Variants in USP34 observed in about 807,000 individuals in gnomAD.
USP34 encodes the protein ubiquitin specific peptidase 34.
A neutral mutation model predicts 460.3 loss-of-function variants in USP34; 70 were observed. The observed-to-expected ratio is 0.15, with a 90% CI of 0.13 to 0.19. USP34 has a LOEUF of 0.19. Ranked by LOEUF, USP34 falls within the 10% of genes least tolerant of loss-of-function variation. USP34 has a pLI of 1.00. For missense variants in USP34, 3,985 were observed against 4,236.2 expected (o/e 0.94, Z 1.65); for synonymous variants, 1,647 against 1,405.3 (o/e 1.17, Z -3.85).
At chr2:61,347,363 G>C (rs1232276306) in intron 15 of USP34, among the ~76,000 whole-genome samples, 1 of 151,930 alleles carries the variant, frequency 6.6e-6, no homozygotes, top group Non-Finnish European at 1.5e-5. Flanking sequence ...TTAACAACCT[G>C]GTTTTTTATT....
chr2:61,438,030 C>T (rs1219812696), intron 1 of USP34, among the ~76,000 whole-genome samples: 2 of 151,540 alleles, frequency 1.3e-5, no homozygotes, highest in African/African-American at 2.4e-5. Context: ...GATACCAAAA[C>T]CAGAAAAGGA....
chr2:61,347,811 G>A (rs887377651), intron 15 of USP34, 59 bp downstream of exon 15: 3 of 1,575,508 alleles, frequency 1.9e-6, no homozygotes, highest in African/African-American at 2.7e-5. Flanking sequence ...ATTGAATATA[G>A]GATATAATAC....
chr2:61,222,758 G>A (rs976588818), intron 64 of USP34, 95 bp from the exon 65 acceptor site: 42 of 1,148,198 alleles, frequency 3.7e-5, no homozygotes, highest in Middle Eastern at 5.7e-4. Context: ...ATGCAGTGGC[G>A]AGATCACAGC....
intron 33 of USP34, 21 bp downstream of exon 33, chr2:61,293,442 GA>G: frequency 6.3e-7 from 1 of 1,589,346 alleles, no homozygotes; most frequent in South Asian, 1.1e-5. Context: ...GTAACTAGTT[GA>G]AACCATAAAT....
At chr2:61,334,194 C>T (rs1182662847) in intron 18 of USP34, among the ~76,000 whole-genome samples, 1 of 152,038 alleles carries the variant, frequency 6.6e-6, no homozygotes, top group Admixed American at 6.6e-5. Context: ...AGGTAAAACA[C>T]ACTATAAATA....
intron 21 of USP34, among the ~76,000 whole-genome samples, chr2:61,324,532 G>T (rs1002897574): frequency 2.0e-5 from 3 of 152,136 alleles, no homozygotes; most frequent in Non-Finnish European, 2.9e-5. Flanking sequence ...TAGCACTTTG[G>T]GAGGCCAAGG....
chr2:61,350,213 G>A (rs776983078), intron 12 of USP34, 47 bp downstream of exon 12: 2 of 1,541,714 alleles, frequency 1.3e-6, no homozygotes, highest in South Asian at 1.2e-5. Context: ...TCAAATCTGA[G>A]TGAGAAGCTC....
chr2:61,264,712 A>C (rs1327660749), intron 43 of USP34, among the ~76,000 whole-genome samples: 1 of 152,162 alleles, frequency 6.6e-6, no homozygotes, highest in African/African-American at 2.4e-5. Flanking sequence ...AAAGCAGTAC[A>C]AAAGGCAAAC....
intron 1 of USP34, among the ~76,000 whole-genome samples, chr2:61,441,701 G>C (rs1573045373): frequency 6.6e-6 from 1 of 151,828 alleles, no homozygotes; most frequent in East Asian, 1.9e-4. Flanking sequence ...ATACTTGAGA[G>C]GGTGAGGTGG....
chr2:61,443,889 G>A (rs1010647680), intron 1 of USP34, among the ~76,000 whole-genome samples: 1 of 152,124 alleles, frequency 6.6e-6, no homozygotes, highest in African/African-American at 2.4e-5. Context: ...TGATAATGGA[G>A]GAGGCTTCGT....
intron 1 of USP34, among the ~76,000 whole-genome samples, chr2:61,441,818 AAAAAGAAAAG>A (rs1328486657): frequency 1.3e-5 from 2 of 151,284 alleles, no homozygotes; most frequent in African/African-American, 2.4e-5. Context: ...AAAAAAAAGA[AAAAAGAAAAG>A]AAAAGAAAAA....
rs1368024095 is a variant in USP34 at position 61,362,864 on chromosome 2, A to AT, written c.1251+7456dup. ...ACATCAAGTTGTACACCTTAAATAC[A>AT]TAATTTTTATATTTGTATAGTATTT... On this transcript the variant is annotated intron_variant, in intron 10 of 79. Transcript: ENST00000398571. 2.6e-5 allele frequency among the ~76,000 whole-genome samples: 4 copies of AT among 152,250 alleles called. No individual in the cohort carries two copies. The East Asian group carries it at 5.8e-4, about 22-fold the overall frequency.
At chr2:61,322,971 T>C (rs1690971603) in intron 21 of USP34, among the ~76,000 whole-genome samples, 1 of 152,244 alleles carries the variant, frequency 6.6e-6, no homozygotes, top group Non-Finnish European at 1.5e-5. Flanking sequence ...CTTTTGTTAT[T>C]TTTTAAAAGA....
chr2:61,382,595 G>C (rs1382390531), intron 6 of USP34, among the ~76,000 whole-genome samples: 3 of 152,068 alleles, frequency 2.0e-5, no homozygotes, highest in Non-Finnish European at 1.5e-5. Flanking sequence ...CTGTGAAAAA[G>C]GGAACACTCA....
At chr2:61,307,817 G>GA (rs1323272470) in intron 27 of USP34, among the ~76,000 whole-genome samples, 1 of 151,992 alleles carries the variant, frequency 6.6e-6, no homozygotes, top group African/African-American at 2.4e-5. Context: ...GACGGCCAAG[G>GA]GGGGAGGATA....
chr2:61,362,791 T>C (rs1015001171), intron 10 of USP34, among the ~76,000 whole-genome samples: 2 of 152,224 alleles, frequency 1.3e-5, no homozygotes, highest in Admixed American at 6.5e-5. Context: ...GTAATAGATA[T>C]GTGAATTAGC....
In USP34 at chr2:61,317,730, C is replaced by G; in HGVS notation, c.3206G>C (p.Gly1069Ala). Residue 1069 changes from glycine to alanine, a missense_variant, in exon 23 of 80, where the codon GGC becomes GCC. By Grantham distance (60) the Gly-to-Ala change is moderately conservative (BLOSUM62 0). Around this residue, in one of 14 missense-constraint regions of USP34, gnomAD observed 1,114 missense variants for 1,122.5 expected, o/e 0.99. Coordinates refer to ENST00000398571, the MANE Select transcript of USP34 (RefSeq NM_014709.4). Reference protein sequence around the residue: ...QLKPETISMTGLNLFQHLCNL... With the variant: ...QLKPETISMTALNLFQHLCNL... ...ACAGAGATGCTGAAACAGGTTTAAG[C>G]CAGTCATGCTAATTGTTTCAGGTTT... The G allele has an allele frequency of 1.9e-6, 3 of 1,613,946 alleles. No homozygotes were observed. Among genetic ancestry groups the G allele is most frequent in the Non-Finnish European group, 2.5e-6 (3 of 1,179,966 alleles).
intron 34 of USP34, among the ~76,000 whole-genome samples, chr2:61,288,235 C>G (rs920382670): frequency 4.6e-5 from 7 of 152,192 alleles, no homozygotes; most frequent in African/African-American, 1.7e-4. Flanking sequence ...TTCCTGATAA[C>G]CCAACCACTT....
At chr2:61,423,283 T>A (rs1419856905) in intron 1 of USP34, among the ~76,000 whole-genome samples, 2 of 152,030 alleles carry the variant, frequency 1.3e-5, no homozygotes, top group East Asian at 3.9e-4. Flanking sequence ...CTGGCTAGTT[T>A]TTGTATTTTG....
Sources: allele counts gnomAD v4.1 joint callset (sites outside exome capture counted in the v4.1 genomes callset), GRCh38; gene constraint gnomAD v4.1.1; regional missense constraint gnomAD v4.1.1; transcripts MANE v1.5; gene names NCBI Gene and HGNC (gene_info 2026-07-23, HGNC 2026-07-21).